Variants in ME3 observed in about 807,000 individuals in gnomAD.
ME3 encodes the protein NADP-dependent malic enzyme, mitochondrial.
Under a neutral mutation model 68.9 loss-of-function variants are expected in ME3, and 48 were observed. The ratio of observed to expected loss-of-function variants is 0.70; its 90% CI spans 0.55 to 0.89. ME3 has a LOEUF of 0.89. Among genes scored for constraint, ME3 ranks in the 40% least tolerant of loss-of-function variants. ME3 has a pLI of 0.00. For synonymous variants in ME3, 320 were observed against 318.8 expected (o/e 1.00, Z -0.04); for missense variants, 675 against 797.4 (o/e 0.85, Z 1.85).
chr11:86,461,850 C>T lies in ME3; in HGVS notation c.919+3241G>A, dbSNP rs569860322. ...AGGCTGGTTCTTACAGGGCTCCTGC[C>T]ATTCCAGCACTATTTGCCAGCTGTC... is the stretch of plus-strand genomic sequence containing the variant. On this transcript the variant is annotated intron_variant, in intron 8 of 14. Transcript: ENST00000543262. Among the ~76,000 whole-genome samples the T allele has an allele frequency of 2.6e-5, 4 of 152,324 alleles. No homozygotes were observed. In the South Asian group the frequency reaches 8.3e-4, roughly 32 times the overall value.
intron 2 of ME3, among the ~76,000 whole-genome samples, chr11:86,631,633 C>T (rs751681119): frequency 2.0e-5 from 3 of 152,112 alleles, no homozygotes; most frequent in Non-Finnish European, 2.9e-5. Context: ...GAACCATGGG[C>T]ATAATAAAGA....
intron 4 of ME3, among the ~76,000 whole-genome samples, chr11:86,549,689 G>T (rs1956568199): frequency 6.6e-6 from 1 of 152,186 alleles, no homozygotes; most frequent in African/African-American, 2.4e-5. Flanking sequence ...TACAATGTGG[G>T]TAATTACATG....
At chr11:86,649,867 G>A (rs1945284303) in intron 2 of ME3, among the ~76,000 whole-genome samples, 1 of 152,142 alleles carries the variant, frequency 6.6e-6, no homozygotes, top group Non-Finnish European at 1.5e-5. Flanking sequence ...TCAATATTGT[G>A]AAAATGGTCA....
Position 86,465,076 on chromosome 11 carries a change from G to C in ME3, c.919+15C>G, listed in dbSNP as rs1352346195. 2 of 1,580,704 alleles carry C rather than the reference G, an allele frequency of 1.3e-6. No homozygotes were observed. The highest frequency in any genetic ancestry group is 2.7e-5 in the African/African-American group (2 of 74,134). On this transcript the variant is annotated intron_variant, in intron 8 of 14. Coordinates refer to ENST00000543262, the Ensembl canonical transcript of ME3. Reference sequence around the variant, plus strand: ...TTAGTCCCCTGTAGCTTCATCAGGTGGGGTGGAAACCTACCTTGGATGTCA... The same window carrying C: ...TTAGTCCCCTGTAGCTTCATCAGGTCGGGTGGAAACCTACCTTGGATGTCA...
chr11:86,453,156 G>C (rs1432055896), intron 8 of ME3, among the ~76,000 whole-genome samples: 1 of 152,016 alleles, frequency 6.6e-6, no homozygotes. Flanking sequence ...CCACCACCAT[G>C]CCCAGCTAAT....
At chr11:86,460,033 C>T (rs1420756217) in intron 8 of ME3, among the ~76,000 whole-genome samples, 3 of 152,222 alleles carry the variant, frequency 2.0e-5, no homozygotes, top group Non-Finnish European at 2.9e-5. Flanking sequence ...GCTCTCCTTC[C>T]TTCCCCTGTC....
chr11:86,489,320 A>C (rs1594154455), intron 6 of ME3: 3 of 152,126 alleles, frequency 2.0e-5, no homozygotes. Context: ...TCATCTATCA[A>C]ATGGGGATAA....
intron 2 of ME3, among the ~76,000 whole-genome samples, chr11:86,633,659 C>T (rs1594737227): frequency 6.6e-6 from 1 of 152,172 alleles, no homozygotes; most frequent in African/African-American, 2.4e-5. Context: ...ATCCAGGTTG[C>T]TCTCAAACCC....
chr11:86,601,618 C>T (rs1486397520), intron 2 of ME3, among the ~76,000 whole-genome samples: 1 of 151,928 alleles, frequency 6.6e-6, no homozygotes, highest in Non-Finnish European at 1.5e-5. Context: ...CCAGCATCAT[C>T]CTGATACCAA....
At chr11:86,538,764 C>T (rs1045867857) in intron 4 of ME3, among the ~76,000 whole-genome samples, 1 of 152,242 alleles carries the variant, frequency 6.6e-6, no homozygotes, top group East Asian at 1.9e-4. Flanking sequence ...TTAGAGTCTA[C>T]CCCACTGGAA....
At chr11:86,593,973 G>T (rs1959176399) in intron 2 of ME3, among the ~76,000 whole-genome samples, 1 of 146,150 alleles carries the variant, frequency 6.8e-6, no homozygotes, top group African/African-American at 2.5e-5. Flanking sequence ...AACTATAAGT[G>T]TACTTAAGAG....
At chr11:86,656,493 C>A (rs965924180) in intron 2 of ME3, among the ~76,000 whole-genome samples, 14 of 150,622 alleles carry the variant, frequency 9.3e-5, no homozygotes, top group African/African-American at 2.9e-4. Flanking sequence ...CAAACCATCG[C>A]AAGGACAAAA....
chr11:86,506,741 G>A (rs967954063), intron 5 of ME3, among the ~76,000 whole-genome samples: 1 of 152,186 alleles, frequency 6.6e-6, no homozygotes, highest in African/African-American at 2.4e-5. Flanking sequence ...TGCCTCCTAT[G>A]TCCAAGTTTT....
At chr11:86,554,949 T>C (rs552553015) in intron 4 of ME3, among the ~76,000 whole-genome samples, 1 of 152,158 alleles carries the variant, frequency 6.6e-6, no homozygotes, top group South Asian at 2.1e-4. Flanking sequence ...GTATGTGTAA[T>C]GGATTTTGAG....
At chr11:86,538,732 A>G (rs1373372260) in intron 4 of ME3, among the ~76,000 whole-genome samples, 1 of 152,134 alleles carries the variant, frequency 6.6e-6, no homozygotes, top group African/African-American at 2.4e-5. Flanking sequence ...GAGAATTAAC[A>G]TCCTCAAAAC....
At position 86,641,882 on chromosome 11, in the gene ME3, T is replaced by A. The variant is rs992323186; in HGVS notation, c.183+29880A>T. On this transcript the variant is annotated intron_variant, in intron 2 of 14. Coordinates refer to ENST00000543262, the Ensembl canonical transcript of ME3. ...GCTATTAAAACTTCACCTCTTTTTT[T>A]AAAAAAAAACTTTAAACAGCTTTTT... Among the ~76,000 whole-genome samples the A allele has an allele frequency of 1.7e-4, 26 of 151,824 alleles. 1 individual carries two copies. Among genetic ancestry groups the A allele is most frequent in the South Asian group, 2.1e-4 (1 of 4,792 alleles).
chr11:86,645,708 T>A (rs1944964863), intron 2 of ME3, among the ~76,000 whole-genome samples: 1 of 152,144 alleles, frequency 6.6e-6, no homozygotes, highest in African/African-American at 2.4e-5. Context: ...TGCTAAGGGA[T>A]AGACTGCCTC....
chr11:86,581,487 G>A (rs548844404), intron 2 of ME3, among the ~76,000 whole-genome samples: 2 of 152,264 alleles, frequency 1.3e-5, no homozygotes, highest in South Asian at 4.1e-4. Context: ...TGTGTAAAGT[G>A]TGCAACAGAG....
chr11:86,538,524 C>T lies in ME3; in HGVS notation c.467+18029G>A, dbSNP rs571710781. ...TCCCACAACCGTCAGTCCACCACAA[C>T]ACAGTTCACAATCTGACAATTCTTC... is the stretch of plus-strand genomic sequence containing the variant. On this transcript the variant is annotated intron_variant, in intron 4 of 14. Coordinates refer to ENST00000543262, the Ensembl canonical transcript of ME3. 7.2e-5 allele frequency among the ~76,000 whole-genome samples: 11 copies of T among 152,314 alleles called. No individual in the cohort carries two copies. The South Asian group carries it at 1.0e-3, about 14-fold the overall frequency.
Sources: allele counts gnomAD v4.1 joint callset (sites outside exome capture counted in the v4.1 genomes callset), GRCh38; gene constraint gnomAD v4.1.1; transcripts MANE v1.5; gene names NCBI Gene and HGNC (gene_info 2026-07-23, HGNC 2026-07-21).